The following WIPF1 variants were observed in gnomAD, a reference collection of about 807,000 sequenced individuals.
The protein encoded by WIPF1 is WAS/WASL-interacting protein family member 1.
Under a neutral mutation model 35.4 loss-of-function variants are expected in WIPF1, and 13 were observed. The observed-to-expected ratio is 0.37, with a 90% CI of 0.24 to 0.58. WIPF1 has a LOEUF of 0.58. WIPF1 is among the 20% of genes least tolerant of loss of function. The pLI is 0.74. For synonymous variants in WIPF1, 267 were observed against 266.3 expected, an observed-to-expected ratio of 1.00 and a Z score of -0.02; for missense variants, 591 against 667.0, an observed-to-expected ratio of 0.89 and a Z score of 1.25.
At chr2:174,641,942 G>A (rs1687303437) in intron 1 of WIPF1, among the ~76,000 whole-genome samples, 2 of 152,160 alleles carry the variant, frequency 1.3e-5, no homozygotes, top group Admixed American at 1.3e-4. Flanking sequence ...AGAGTCTCTT[G>A]ATAAGTCTGA....
chr2:174,600,912 C>CG (rs1187567460), upstream of WIPF1, among the ~76,000 whole-genome samples: 18 of 65,436 alleles, frequency 2.8e-4, no homozygotes, highest in East Asian at 5.9e-3. Flanking sequence ...CATAATGTTC[C>CG]TTTTTTTTTT....
chr2:174,572,963 G>T (rs901276967), intron 4 of WIPF1, among the ~76,000 whole-genome samples: 1 of 152,012 alleles, frequency 6.6e-6, no homozygotes, highest in East Asian at 1.9e-4. Context: ...CAAAAAAAGT[G>T]GAAAACTGTA....
At chr2:174,610,501 G>A (rs1686308420) in intron 1 of WIPF1, among the ~76,000 whole-genome samples, 1 of 152,114 alleles carries the variant, frequency 6.6e-6, no homozygotes, top group Admixed American at 6.5e-5. Context: ...AAAACCACAT[G>A]TGGTTTATGT....
At chr2:174,678,633 C>A (rs927936298) in intron 1 of WIPF1, among the ~76,000 whole-genome samples, 6 of 152,244 alleles carry the variant, frequency 3.9e-5, no homozygotes, top group Non-Finnish European at 5.9e-5. Flanking sequence ...AATCTACTGT[C>A]ATCTCTACAC....
At chr2:174,672,668 T>C (rs1317478591) in intron 1 of WIPF1, among the ~76,000 whole-genome samples, 1 of 152,230 alleles carries the variant, frequency 6.6e-6, no homozygotes, top group Non-Finnish European at 1.5e-5. Context: ...ATTGTTAGGA[T>C]GGACCTTACG....
chr2:174,649,142 CAG>C (rs771250706), intron 1 of WIPF1, among the ~76,000 whole-genome samples: 29 of 152,148 alleles, frequency 1.9e-4, no homozygotes, highest in Admixed American at 4.6e-4. Flanking sequence ...TCAAGACTCT[CAG>C]TGTTTTCATC....
At chr2:174,670,879 G>GT (rs34799866) in intron 1 of WIPF1, among the ~76,000 whole-genome samples, 32,862 of 152,186 alleles carry the variant, frequency 0.22, 3,883 homozygotes, top group Middle Eastern at 0.29. Flanking sequence ...GGCATAGGGT[G>GT]TTTTGTCTGA....
intron 1 of WIPF1, among the ~76,000 whole-genome samples, chr2:174,646,187 G>A (rs1687406106): frequency 6.6e-6 from 1 of 152,172 alleles, no homozygotes; most frequent in Admixed American, 6.5e-5. Context: ...CAGAATTTGT[G>A]TTTTCCTCAC....
Position 174,582,448 on chromosome 2 carries a change from C to G in WIPF1, c.52-1009G>C, listed in dbSNP as rs188687039. On this transcript the variant is annotated intron_variant, in intron 2 of 7. Coordinates refer to ENST00000679041, the MANE Select transcript of WIPF1 (RefSeq NM_001375834.1). Reference sequence around the variant, plus strand: ...CCCACAGGTCCTTTCTAGGCTGGCCCCAGCCCTTCTGACAGGGATATGATT... The same window carrying G: ...CCCACAGGTCCTTTCTAGGCTGGCCGCAGCCCTTCTGACAGGGATATGATT... Among the ~76,000 whole-genome samples the G allele has an allele frequency of 3.6e-4, 55 of 152,326 alleles. 1 individual carries two copies. The highest frequency in any genetic ancestry group is 4.7e-4 in the Non-Finnish European group (32 of 68,030).
chr2:174,562,829 A>C (rs140031082), intron 7 of WIPF1, among the ~76,000 whole-genome samples: 1 of 152,212 alleles, frequency 6.6e-6, no homozygotes, highest in Non-Finnish European at 1.5e-5. Context: ...GTACTTGCAC[A>C]AAGTTAAAAA....
chr2:174,587,525 G>A (rs1685463364), intron 1 of WIPF1: 1 of 152,140 alleles, frequency 6.6e-6, no homozygotes, highest in Admixed American at 6.5e-5. Context: ...ACAGCCGCCG[G>A]GAAACAAGAA....
chr2:174,671,141 C>T (rs560625782), intron 1 of WIPF1, among the ~76,000 whole-genome samples: 3 of 152,152 alleles, frequency 2.0e-5, no homozygotes, highest in Non-Finnish European at 2.9e-5. Context: ...ATGGAGGGAC[C>T]GGCTGAAGCC....
intron 1 of WIPF1, chr2:174,626,082 A>G (rs183840587): frequency 4.9e-4 from 74 of 152,344 alleles, no homozygotes; most frequent in Middle Eastern, 3.4e-3. Flanking sequence ...TAAAAATTAT[A>G]ACCGTCTCAC....
At chr2:174,634,169 A>G (rs1234729778) in intron 1 of WIPF1, among the ~76,000 whole-genome samples, 3 of 152,242 alleles carry the variant, frequency 2.0e-5, no homozygotes, top group Non-Finnish European at 2.9e-5. Context: ...CTGCAAACAC[A>G]GGCTGATCTG....
chr2:174,595,109 A>AAAT (rs1553529785), intron 1 of WIPF1, among the ~76,000 whole-genome samples: 23 of 57,750 alleles, frequency 4.0e-4, no homozygotes, highest in African/African-American at 2.0e-3. Flanking sequence ...AAAAAAAAAA[A>AAAT]ATATATATAT....
chr2:174,569,033 C>A (rs867875753), intron 5 of WIPF1, among the ~76,000 whole-genome samples: 5 of 151,884 alleles, frequency 3.3e-5, no homozygotes, highest in African/African-American at 7.3e-5. Flanking sequence ...AAAACAAAAC[C>A]AAAAACTTGA....
At position 174,571,523 on chromosome 2, in the gene WIPF1, G is replaced by T. The variant is rs532121477; in HGVS notation, c.1129+153C>A. The T allele has an allele frequency of 2.3e-3, 2,473 of 1,053,642 alleles. 4 individuals carry two copies. The highest frequency in any genetic ancestry group is 3.0e-3 in the Non-Finnish European group (2,023 of 676,988). The allele number at this position is 1,053,642 out of a possible 1,614,324, so 65.3% of individuals were successfully genotyped here. ...CACTTTCCCCCGGGGTTTACACGAG[G>T]TCACGATCACACGTGTCGTGTGCCA... On this transcript the variant is annotated intron_variant, in intron 5 of 7. Coordinates refer to ENST00000679041, the MANE Select transcript of WIPF1 (RefSeq NM_001375834.1). The surrounding 1 kb of genome is among the most constrained non-coding windows in gnomAD (Gnocchi z 4.6).
intron 1 of WIPF1, among the ~76,000 whole-genome samples, chr2:174,653,392 T>C (rs1261489856): frequency 6.6e-6 from 1 of 152,046 alleles, no homozygotes; most frequent in Non-Finnish European, 1.5e-5. Context: ...TATATGGGGA[T>C]AGTACCTCTT....
chr2:174,572,121 A>G lies in WIPF1; in HGVS notation c.684T>C (p.Thr228=), dbSNP rs373911343. 2.5e-6 allele frequency: 4 copies of G among 1,607,034 alleles called. No individual in the cohort carries two copies. Among genetic ancestry groups the G allele is most frequent in the African/African-American group, 2.7e-5 (2 of 74,406 alleles). The stretch of plus-strand genomic sequence containing the variant: ...GACGTATTGAGCCTCCTCCCAAAGC[A>G]GTGCCGCGGTTTCCAGGGAAAGGGG... The part of the protein sequence containing the change: ...TPPPFPGNRG[T]ALGGGSIRQS... Residue 228 remains threonine, a synonymous_variant, in exon 5 of 8, where the codon ACT becomes ACC. Transcript: ENST00000679041.
Sources: gnomAD v4.1 joint callset for allele counts (sites outside exome capture counted in the v4.1 genomes callset) on GRCh38, gnomAD v4.1.1 for gene constraint, Gnocchi (gnomAD v3.1) non-coding constraint, MANE v1.5 for transcripts, NCBI Gene and HGNC (gene_info 2026-07-23, HGNC 2026-07-21) for gene names.